Variants in SNX25 observed in about 807,000 individuals in gnomAD.
SNX25 encodes the protein sorting nexin 25.
In SNX25, 62 loss-of-function variants were observed where a neutral mutation model predicts 113.7. That is an observed-to-expected ratio of 0.55 (90% CI 0.44 to 0.67). The LOEUF (loss-of-function observed/expected upper bound fraction) is 0.67. Among genes scored for constraint, SNX25 ranks in the 30% least tolerant of loss-of-function variants. The probability of loss-of-function intolerance (pLI) is 0.00; values close to 1 mark genes in which losing one functional copy is unlikely to be tolerated. For missense variants in SNX25, 1,014 were observed against 1,161.0 expected (o/e 0.87, Z 1.84); for synonymous variants, 421 against 436.2 (o/e 0.97, Z 0.43).
At chr4:185,338,543 C>A (rs530118017) in intron 10 of SNX25, among the ~76,000 whole-genome samples, 86 of 152,294 alleles carry the variant, frequency 5.6e-4, no homozygotes, top group African/African-American at 1.9e-3. Flanking sequence ...CTGCCTTAGC[C>A]TCCCAAAGTG....
At chr4:185,224,419 A>C (rs894881545) in intron 1 of SNX25, among the ~76,000 whole-genome samples, 4 of 138,604 alleles carry the variant, frequency 2.9e-5, no homozygotes, top group Non-Finnish European at 6.2e-5. Context: ...AGATATATAA[A>C]AATATATAAA....
chr4:185,241,323 T>G (rs867908074), intron 1 of SNX25, among the ~76,000 whole-genome samples: 1 of 151,814 alleles, frequency 6.6e-6, no homozygotes, highest in Admixed American at 6.6e-5. Context: ...CAAAAAAATA[T>G]GAAAACCAGT....
the SNX25 span, among the ~76,000 whole-genome samples, chr4:185,376,175 G>A: frequency 2.8e-3 from 433 of 152,270 alleles, 2 homozygotes; most frequent in African/African-American, 9.1e-3. Context: ...TGGAGAAAGA[G>A]GGCGATTTCC....
chr4:185,372,772 G>A (rs1315865525), downstream of SNX25: 5 of 1,207,530 alleles, frequency 4.1e-6, no homozygotes, highest in Admixed American at 1.0e-4. Context: ...CTCTGGAACT[G>A]TGAGAAATAA....
intron 1 of SNX25, among the ~76,000 whole-genome samples, chr4:185,240,568 A>G: frequency 7.0e-6 from 1 of 142,418 alleles, no homozygotes; most frequent in Non-Finnish European, 1.5e-5. Flanking sequence ...GGCCGGGCAG[A>G]GGGGCTCCTC....
intron 7 of SNX25, among the ~76,000 whole-genome samples, chr4:185,315,035 T>C (rs1298072204): frequency 1.3e-5 from 2 of 151,138 alleles, no homozygotes; most frequent in Non-Finnish European, 3.0e-5. Context: ...GAGACCATCC[T>C]GGCTAACACA....
intron 1 of SNX25, among the ~76,000 whole-genome samples, chr4:185,211,825 C>T (rs1449554536): frequency 6.6e-6 from 1 of 152,100 alleles, no homozygotes; most frequent in Admixed American, 6.6e-5. Context: ...TATTGCAGAC[C>T]ATCTCCCAGG....
chr4:185,251,632 T>A (rs1435816171), intron 2 of SNX25, among the ~76,000 whole-genome samples: 2 of 146,780 alleles, frequency 1.4e-5, no homozygotes, highest in East Asian at 3.9e-4. Flanking sequence ...TGTGTGTGTG[T>A]GTGTGCCACA....
At chr4:185,233,094 G>C (rs533987474) in intron 1 of SNX25, among the ~76,000 whole-genome samples, 2 of 152,068 alleles carry the variant, frequency 1.3e-5, no homozygotes, top group Non-Finnish European at 2.9e-5. Context: ...GACCTGCCTG[G>C]CCAACATGGT....
chr4:185,277,551 C>T (rs867044597), intron 5 of SNX25, among the ~76,000 whole-genome samples: 22 of 151,978 alleles, frequency 1.4e-4, no homozygotes, highest in Admixed American at 9.8e-4. Context: ...ACCAGCATGA[C>T]GTCACTGAAC....
At chr4:185,239,064 A>G (rs1223650827) in intron 1 of SNX25, among the ~76,000 whole-genome samples, 2 of 152,196 alleles carry the variant, frequency 1.3e-5, no homozygotes, top group Non-Finnish European at 2.9e-5. Context: ...CTTGACACAA[A>G]GACAGTTTGA....
At chr4:185,279,809 A>AT (rs1274104223) in intron 5 of SNX25, among the ~76,000 whole-genome samples, 1 of 152,208 alleles carries the variant, frequency 6.6e-6, no homozygotes, top group East Asian at 1.9e-4. Context: ...CTTATGACTC[A>AT]TAATAATTTA....
In SNX25 at chr4:185,341,913, ATC is replaced by A. The variant is rs2095261774; in HGVS notation, c.2047-61_2047-60del. 1.4e-5 allele frequency: 22 copies of A among 1,522,332 alleles called. 1 individual carries two copies. In the South Asian group the frequency reaches 3.0e-4, roughly 20 times the overall value. 94.3% of individuals were successfully genotyped at this position (1,522,332 alleles called of 1,614,324 possible). A position where few individuals can be genotyped will look rare whatever the true frequency, so the allele number is the denominator to read the frequency against. The stretch of plus-strand genomic sequence containing the variant: ...AATCTCCTTAGGGGGACACTTACAG[ATC>A]TTCCTTCTGCATCCATTCACCATGC... On this transcript the variant is annotated intron_variant, in intron 11 of 18. Coordinates refer to ENST00000652585, the MANE Select transcript of SNX25 (RefSeq NM_001378034.2).
intron 12 of SNX25, among the ~76,000 whole-genome samples, chr4:185,346,284 T>TA (rs2095286142): frequency 6.6e-6 from 1 of 152,226 alleles, no homozygotes; most frequent in Admixed American, 6.5e-5. Flanking sequence ...GGTGTGCAGA[T>TA]CCCTCGTACC....
In SNX25 at chr4:185,346,648, C is replaced by T; in HGVS notation, c.2299C>T (p.Gln767Ter). The change falls in exon 13 of 19, where the codon CAG becomes TAG. Residue 767 changes from glutamine (Q) to a stop codon, truncating the protein, a stop_gained and splice_region_variant. Transcript: ENST00000652585. LOFTEE classifies it high-confidence loss of function. Reference protein sequence around the residue: ...KSKNQLNKFLQNLLSDERLCQ... With the variant: ...KSKNQLNKFL The stretch of plus-strand genomic sequence containing the variant: ...GAAGAATCAATTAAATAAGTTTTTA[C>T]AGGTAAGCAAGTGAAAAATGTGGGA... 1 of 1,554,050 alleles carries T rather than the reference C, an allele frequency of 6.4e-7. No individual in the cohort carries two copies.
intron 1 of SNX25, among the ~76,000 whole-genome samples, chr4:185,238,497 A>G (rs965271486): frequency 1.3e-5 from 2 of 152,220 alleles, no homozygotes; most frequent in Non-Finnish European, 2.9e-5. Flanking sequence ...TTAGTCTTTG[A>G]GGCTGAGGCA....
chr4:185,253,749 G>A (rs928245632), intron 2 of SNX25, among the ~76,000 whole-genome samples: 5 of 152,144 alleles, frequency 3.3e-5, no homozygotes, highest in Admixed American at 6.5e-5. Flanking sequence ...GATTACAGGC[G>A]TGAGCCACCA....
chr4:185,221,321 C>T (rs548066877), intron 1 of SNX25, among the ~76,000 whole-genome samples: 6 of 152,244 alleles, frequency 3.9e-5, no homozygotes, highest in Admixed American at 3.9e-4. Context: ...GTGTGAGCCA[C>T]TGTGCCTGAC....
intron 8 of SNX25, among the ~76,000 whole-genome samples, chr4:185,321,743 T>C (rs767545357): frequency 7.9e-5 from 12 of 152,172 alleles, no homozygotes; most frequent in Non-Finnish European, 1.8e-4. Flanking sequence ...GTTCTATATC[T>C]GTAGATTCAA....
Sources: gnomAD v4.1 joint callset for allele counts (sites outside exome capture counted in the v4.1 genomes callset) on GRCh38, gnomAD v4.1.1 for gene constraint, MANE v1.5 for transcripts, NCBI Gene and HGNC (gene_info 2026-07-23, HGNC 2026-07-21) for gene names.